The following SAMSN1 variants were observed in gnomAD, a reference collection of about 807,000 sequenced individuals.
SAMSN1 encodes the protein SAM domain-containing protein SAMSN-1.
A neutral mutation model predicts 42.0 loss-of-function variants in SAMSN1; 31 were observed. The observed-to-expected ratio is 0.74, with a 90% CI of 0.55 to 1.00. SAMSN1 has a LOEUF of 1.00. Among genes scored for constraint, SAMSN1 ranks in the 50% least tolerant of loss-of-function variants. The pLI is 0.00. For missense variants in SAMSN1, 464 were observed against 439.4 expected, an observed-to-expected ratio of 1.06 and a Z score of -0.50; for synonymous variants, 178 against 151.9, an observed-to-expected ratio of 1.17 and a Z score of -1.26.
chr21:14,645,463 A>G (rs1453180916), intron 1 of SAMSN1, among the ~76,000 whole-genome samples: 1 of 152,274 alleles, frequency 6.6e-6, no homozygotes, highest in African/African-American at 2.4e-5. Context: ...TGGGCTTGGG[A>G]TATCCCCTAA....
At chr21:14,529,920 T>A (rs1979132492) in intron 1 of SAMSN1, among the ~76,000 whole-genome samples, 1 of 152,198 alleles carries the variant, frequency 6.6e-6, no homozygotes, top group African/African-American at 2.4e-5. Flanking sequence ...TCACAGATTT[T>A]GGGAGTAAAA....
chr21:14,582,415 G>A (rs1282492917), exon 2 of SAMSN1: 2 of 1,548,324 alleles, frequency 1.3e-6, no homozygotes, highest in South Asian at 2.4e-5. Flanking sequence ...TCCTCCTCGT[G>A]CTAACACTAT....
intron 7 of SAMSN1, among the ~76,000 whole-genome samples, chr21:14,489,163 AC>A (rs1986567479): frequency 6.6e-6 from 1 of 152,128 alleles, no homozygotes; most frequent in Non-Finnish European, 1.5e-5. Flanking sequence ...TAACTGGCCT[AC>A]CCAGAAATTG....
intron 3 of SAMSN1, among the ~76,000 whole-genome samples, chr21:14,513,766 A>T (rs1323514200): frequency 6.6e-6 from 1 of 152,192 alleles, no homozygotes; most frequent in Non-Finnish European, 1.5e-5. Flanking sequence ...GAAGCTTTGG[A>T]GACAGTTTTC....
chr21:14,577,234 G>GTA lies in SAMSN1; in HGVS notation c.261+4901_261+4902insTA, dbSNP rs1482765050. The stretch of plus-strand genomic sequence containing the variant: ...CCATGGTGGGCTAATTTATATATAT[G>GTA]TGTGTATATATATATATATATATAT... On this transcript the variant is annotated intron_variant, in intron 2 of 8. Coordinates refer to the SAMSN1 transcript ENST00000285670. Among the ~76,000 whole-genome samples the GTA allele has an allele frequency of 7.6e-3, 162 of 21,298 alleles. 8 individuals carry two copies. Among genetic ancestry groups the GTA allele is most frequent in the African/African-American group, 0.018 (95 of 5,374 alleles). 14.0% of individuals were successfully genotyped at this position (21,298 alleles called of 152,430 possible). A position where few individuals can be genotyped will look rare whatever the true frequency, so the allele number is the denominator to read the frequency against.
intron 2 of SAMSN1, among the ~76,000 whole-genome samples, chr21:14,636,691 T>C (rs1002136951): frequency 6.6e-6 from 1 of 151,620 alleles, no homozygotes; most frequent in Admixed American, 6.6e-5. Context: ...TCTATTAAAA[T>C]ACAAAAAATT....
intron 2 of SAMSN1, among the ~76,000 whole-genome samples, chr21:14,616,871 T>G (rs574647921): frequency 3.9e-4 from 60 of 152,326 alleles, no homozygotes; most frequent in African/African-American, 1.3e-3. Flanking sequence ...GGAAGTTTGA[T>G]TCTATTATTC....
At chr21:14,605,474 T>A (rs74901025) in intron 5 of SAMSN1, among the ~76,000 whole-genome samples, 3,987 of 152,308 alleles carry the variant, frequency 0.026, 176 homozygotes, top group African/African-American at 0.089. Context: ...CAAGTTTTTC[T>A]AAAATTAAAT....
intron 2 of SAMSN1, among the ~76,000 whole-genome samples, chr21:14,641,745 T>C (rs1267950930): frequency 6.6e-6 from 1 of 152,174 alleles, no homozygotes; most frequent in Non-Finnish European, 1.5e-5. Flanking sequence ...ATAGGCTGGT[T>C]TATATTGTCC....
At chr21:14,527,717 T>C (rs1600897699) in intron 1 of SAMSN1, among the ~76,000 whole-genome samples, 1 of 143,120 alleles carries the variant, frequency 7.0e-6, no homozygotes, top group African/African-American at 2.6e-5. Context: ...TTTCTGCAAA[T>C]TGAAACCATC....
In SAMSN1 at chr21:14,521,238, A is replaced by G. The variant is rs1281025416; in HGVS notation, c.58-17T>C. 3 of 1,588,022 alleles carry G rather than the reference A, an allele frequency of 1.9e-6. No individual in the cohort carries two copies. Among genetic ancestry groups the G allele is most frequent in the Non-Finnish European group, 2.6e-6 (3 of 1,160,616 alleles). ...GCTGCTTCGCTATAAAATAGAAAAG[A>G]AAAAGCAAAGGAAACTTAGAATTTA... On this transcript the variant is annotated splice_polypyrimidine_tract_variant and intron_variant, in intron 1 of 7. Transcript: ENST00000400566.
At chr21:14,519,485 T>C (rs1350320489) in intron 2 of SAMSN1, among the ~76,000 whole-genome samples, 2 of 151,976 alleles carry the variant, frequency 1.3e-5, no homozygotes. Flanking sequence ...ACAGTTTCTC[T>C]CTCTCTCCAT....
intron 2 of SAMSN1, among the ~76,000 whole-genome samples, chr21:14,552,072 T>A (rs1980615970): frequency 6.6e-6 from 1 of 152,050 alleles, no homozygotes; most frequent in Non-Finnish European, 1.5e-5. Flanking sequence ...TGTAAAAAAA[T>A]TTGAAACCAG....
chr21:14,583,865 T>A (rs1981837112), upstream of SAMSN1: 1 of 625,224 alleles, frequency 1.6e-6, no homozygotes, highest in East Asian at 2.9e-5. Flanking sequence ...TGTGGAAAAA[T>A]TAATAATGTG....
chr21:14,592,687 C>T (rs1860497146), intron 7 of SAMSN1: 1 of 322,188 alleles, frequency 3.1e-6, no homozygotes, highest in Non-Finnish European at 6.6e-6. Flanking sequence ...CTGTTAATCA[C>T]AGATTATCAG....
intron 5 of SAMSN1, among the ~76,000 whole-genome samples, chr21:14,607,444 T>C (rs17003771): frequency 0.012 from 1,862 of 152,354 alleles, 36 homozygotes; most frequent in African/African-American, 0.042. Context: ...CCTTGGTCTC[T>C]GGCCATCAAC....
At chr21:14,643,252 G>A (rs551082119) in intron 1 of SAMSN1, 86 of 592,100 alleles carry the variant, frequency 1.5e-4, no homozygotes, top group Non-Finnish European at 2.1e-4. Flanking sequence ...TGGGCATAGG[G>A]ATTAAGAGTT....
chr21:14,658,364 GA>G (rs2123405617), intron 1 of SAMSN1, among the ~76,000 whole-genome samples: 1 of 151,930 alleles, frequency 6.6e-6, no homozygotes, highest in Admixed American at 6.6e-5. Context: ...GAACAAAGAA[GA>G]AATTTTGATT....
intron 2 of SAMSN1, among the ~76,000 whole-genome samples, chr21:14,563,003 AT>A (rs1464261446): frequency 2.0e-5 from 3 of 152,170 alleles, no homozygotes; most frequent in African/African-American, 7.2e-5. Flanking sequence ...AATAGTTCTT[AT>A]TATAAATGCA....
Sources: allele counts gnomAD v4.1 joint callset (sites outside exome capture counted in the v4.1 genomes callset), GRCh38; gene constraint gnomAD v4.1.1; transcripts MANE v1.5; gene names NCBI Gene and HGNC (gene_info 2026-07-23, HGNC 2026-07-21).